DACH1: variants seen among roughly 807,000 people sequenced by gnomAD.
The protein encoded by DACH1 is dachshund family transcription factor 1.
Under a neutral mutation model 54.2 loss-of-function variants are expected in DACH1, and 12 were observed. That is an observed-to-expected ratio of 0.22 (90% CI 0.14 to 0.36). The LOEUF is 0.36. DACH1 is among the 10% of genes least tolerant of loss of function. DACH1 has a pLI of 1.00. For missense variants in DACH1, 805 were observed against 929.8 expected (o/e 0.87, Z 1.75); for synonymous variants, 386 against 366.2 (o/e 1.05, Z -0.62).
intron 8 of DACH1, among the ~76,000 whole-genome samples, chr13:71,477,924 T>C (rs1415610844): frequency 2.0e-5 from 3 of 152,178 alleles, no homozygotes; most frequent in Non-Finnish European, 4.4e-5. Context: ...GTGTGATCTG[T>C]GAATGTTTTG....
chr13:71,653,834 A>C (rs1053728530), intron 2 of DACH1, among the ~76,000 whole-genome samples: 1 of 152,212 alleles, frequency 6.6e-6, no homozygotes. Context: ...AAATATGAAA[A>C]GAATCACTGT....
intron 6 of DACH1, among the ~76,000 whole-genome samples, chr13:71,548,761 A>G (rs1187778578): frequency 6.6e-6 from 1 of 151,962 alleles, no homozygotes; most frequent in Admixed American, 6.6e-5. Context: ...CACTAAAAAT[A>G]CAAAAAGTAG....
chr13:71,866,413 G>GCCGCCA lies in DACH1; in HGVS notation c.356_357insTGGCGG (p.Gly120_Gly121dup). On this transcript the variant is annotated inframe_insertion, in exon 1 of 11. Coordinates refer to ENST00000613252, the MANE Select transcript of DACH1 (RefSeq NM_080759.6). The stretch of plus-strand genomic sequence containing the variant: ...CGCCGCCGCCAGCGCTGATGCCGCC[G>GCCGCCA]CCGCCGCCGCCGCTGCCGTTGCTCG... 1 of 1,426,728 alleles carries GCCGCCA rather than the reference G, an allele frequency of 7.0e-7. No individual in the cohort carries two copies. Among genetic ancestry groups the GCCGCCA allele is most frequent in the Non-Finnish European group, 9.2e-7 (1 of 1,083,962 alleles). 88.4% of individuals were successfully genotyped at this position (1,426,728 alleles called of 1,614,324 possible).
intron 2 of DACH1, among the ~76,000 whole-genome samples, chr13:71,644,699 A>C (rs939140868): frequency 6.6e-6 from 1 of 151,808 alleles, no homozygotes; most frequent in Non-Finnish European, 1.5e-5. Context: ...GCATTTGGAC[A>C]GAACTGGGGC....
intron 4 of DACH1, among the ~76,000 whole-genome samples, chr13:71,568,062 G>T (rs766531970): frequency 4.6e-5 from 7 of 151,856 alleles, no homozygotes; most frequent in Non-Finnish European, 8.8e-5. Flanking sequence ...ACGTAATAAA[G>T]GAATACATCC....
chr13:71,730,145 A>G (rs1239689528), intron 1 of DACH1, among the ~76,000 whole-genome samples: 1 of 152,142 alleles, frequency 6.6e-6, no homozygotes, highest in African/African-American at 2.4e-5. Context: ...GCACATGTAT[A>G]CATATGTAAC....
At chr13:71,467,180 G>A (rs1876656526) in intron 10 of DACH1, among the ~76,000 whole-genome samples, 1 of 151,592 alleles carries the variant, frequency 6.6e-6, no homozygotes, top group South Asian at 2.1e-4. Context: ...AAACCCACAA[G>A]AGGCCTTCAG....
At chr13:71,852,569 A>C (rs1873744153) in intron 1 of DACH1, among the ~76,000 whole-genome samples, 1 of 152,200 alleles carries the variant, frequency 6.6e-6, no homozygotes, top group African/African-American at 2.4e-5. Flanking sequence ...AGTTTGCTTA[A>C]AAATTCACCC....
rs553960886 is a variant in DACH1, at chr13:71,579,860, C to A, written c.1127-6848G>T. Among the ~76,000 whole-genome samples the A allele has an allele frequency of 1.6e-4, 25 of 152,152 alleles. 3 individuals are homozygous for A. In the South Asian group the frequency reaches 4.8e-3, roughly 29 times the overall value. On this transcript the variant is annotated intron_variant, in intron 3 of 10. Transcript: ENST00000613252. ...CCATTGTTTTCTTTGGACTCATTAGCACCATGCTGTAAGTGTTAACCAGGG... is the reference window on the plus strand; with the variant it reads ...CCATTGTTTTCTTTGGACTCATTAGAACCATGCTGTAAGTGTTAACCAGGG...
chr13:71,487,089 G>A (rs1878595809), intron 7 of DACH1, among the ~76,000 whole-genome samples: 1 of 151,982 alleles, frequency 6.6e-6, no homozygotes, highest in African/African-American at 2.4e-5. Context: ...GATCTCAGGT[G>A]ATCCACCTGC....
intron 1 of DACH1, among the ~76,000 whole-genome samples, chr13:71,717,167 T>C (rs1217390445): frequency 1.3e-5 from 2 of 152,118 alleles, no homozygotes; most frequent in Non-Finnish European, 2.9e-5. Flanking sequence ...TAAAATAAAC[T>C]AAAGCAAAAT....
intron 3 of DACH1, among the ~76,000 whole-genome samples, chr13:71,628,998 C>A (rs1262929364): frequency 6.6e-6 from 1 of 152,008 alleles, no homozygotes; most frequent in Non-Finnish European, 1.5e-5. Context: ...TGAAAACAAT[C>A]CAGATTGTTT....
intron 1 of DACH1, among the ~76,000 whole-genome samples, chr13:71,788,756 T>A (rs1056069229): frequency 8.7e-5 from 13 of 149,502 alleles, no homozygotes; most frequent in African/African-American, 3.2e-4. Flanking sequence ...ACTTCAACCT[T>A]TTTTCACAGC....
chr13:71,805,910 C>T (rs1386475623), intron 1 of DACH1, among the ~76,000 whole-genome samples: 2 of 152,040 alleles, frequency 1.3e-5, no homozygotes, highest in African/African-American at 2.4e-5. Flanking sequence ...CGGGTTCAAA[C>T]GATTCTCCTG....
At chr13:71,523,890 A>G (rs1290057992) in intron 6 of DACH1, among the ~76,000 whole-genome samples, 1 of 152,130 alleles carries the variant, frequency 6.6e-6, no homozygotes, top group African/African-American at 2.4e-5. Flanking sequence ...AGACAATTTA[A>G]TTTTACCATA....
At chr13:71,839,285 C>A (rs1888925178) in intron 1 of DACH1, among the ~76,000 whole-genome samples, 1 of 152,072 alleles carries the variant, frequency 6.6e-6, no homozygotes, top group Admixed American at 6.6e-5. Flanking sequence ...CATACAGTAA[C>A]TTTGAAATCC....
chr13:71,837,497 T>C (rs1888840404), intron 1 of DACH1, among the ~76,000 whole-genome samples: 1 of 152,244 alleles, frequency 6.6e-6, no homozygotes, highest in East Asian at 1.9e-4. Flanking sequence ...TTATCACCGC[T>C]TCTCCACTGT....
chr13:71,550,937 G>A (rs921355961), intron 6 of DACH1, among the ~76,000 whole-genome samples: 4 of 152,074 alleles, frequency 2.6e-5, no homozygotes, highest in Admixed American at 1.3e-4. Context: ...GAGAAGTTGC[G>A]TGTTAGAGAA....
chr13:71,789,041 CA>C (rs1320105981), intron 1 of DACH1, among the ~76,000 whole-genome samples: 1 of 152,006 alleles, frequency 6.6e-6, no homozygotes, highest in Non-Finnish European at 1.5e-5. Flanking sequence ...ATTCCTTCTC[CA>C]AAAAAACCAG....
Sources: allele counts gnomAD v4.1 joint callset (sites outside exome capture counted in the v4.1 genomes callset), GRCh38; gene constraint gnomAD v4.1.1; transcripts MANE v1.5; gene names NCBI Gene and HGNC (gene_info 2026-07-23, HGNC 2026-07-21).